C8orf74: variants seen among roughly 807,000 people sequenced by gnomAD.
C8orf74 encodes the protein uncharacterized protein C8orf74.
C8orf74 carries 29 observed loss-of-function variants against 22.2 expected under a neutral mutation model. The observed-to-expected ratio is 1.31, with a 90% CI of 0.97 to 1.78. The LOEUF (loss-of-function observed/expected upper bound fraction) is 1.78. Ranked by LOEUF, C8orf74 falls within the 40% of genes most tolerant of loss-of-function variation. The pLI is 0.00. For synonymous variants in C8orf74, 255 were observed against 163.1 expected, an observed-to-expected ratio of 1.56 and a Z score of -4.30; for missense variants, 515 against 369.9, an observed-to-expected ratio of 1.39 and a Z score of -3.22.
At chr8:10,695,195 T>C (rs1183314426) in intron 2 of C8orf74, among the ~76,000 whole-genome samples, 1 of 152,200 alleles carries the variant, frequency 6.6e-6, no homozygotes, top group African/African-American at 2.4e-5. Flanking sequence ...TGTACGAAGC[T>C]GGACATCTTA....
chr8:10,686,110 T>C (rs564834625), intron 2 of C8orf74, among the ~76,000 whole-genome samples: 58 of 152,304 alleles, frequency 3.8e-4, no homozygotes, highest in African/African-American at 1.3e-3. Context: ...GTCAGTGTTA[T>C]GTTATGTATA....
chr8:10,677,163 G>A (rs1005489580), intron 2 of C8orf74, among the ~76,000 whole-genome samples: 1 of 151,944 alleles, frequency 6.6e-6, no homozygotes, highest in African/African-American at 2.4e-5. Context: ...TAAGGAACAG[G>A]GAACCCCTCC....
At chr8:10,673,228 G>C (rs535693411) in intron 1 of C8orf74, among the ~76,000 whole-genome samples, 2 of 152,114 alleles carry the variant, frequency 1.3e-5, no homozygotes, top group African/African-American at 4.8e-5. Flanking sequence ...ACACTCTTGC[G>C]TGTGGTGGGT....
intron 2 of C8orf74, among the ~76,000 whole-genome samples, chr8:10,683,621 G>A (rs145038335): frequency 6.4e-4 from 98 of 152,332 alleles, no homozygotes; most frequent in Middle Eastern, 3.4e-3. Context: ...CAGCTGCAGG[G>A]CTTGGCCAAG....
At chr8:10,686,273 T>C (rs1799261201) in intron 2 of C8orf74, among the ~76,000 whole-genome samples, 1 of 152,230 alleles carries the variant, frequency 6.6e-6, no homozygotes, top group African/African-American at 2.4e-5. Context: ...CTGATTTTGC[T>C]ACTGAATAGC....
At chr8:10,684,175 G>T (rs1016890066) in intron 2 of C8orf74, among the ~76,000 whole-genome samples, 3 of 152,212 alleles carry the variant, frequency 2.0e-5, no homozygotes, top group Non-Finnish European at 2.9e-5. Context: ...GGGTACTGCT[G>T]TCCACATTTC....
At chr8:10,685,267 T>C (rs1343947728) in intron 2 of C8orf74, among the ~76,000 whole-genome samples, 1 of 152,218 alleles carries the variant, frequency 6.6e-6, no homozygotes, top group Non-Finnish European at 1.5e-5. Context: ...GGAAGTGGCA[T>C]ATGATTCAAC....
At chr8:10,683,595 C>T (rs1301717420) in intron 2 of C8orf74, among the ~76,000 whole-genome samples, 1 of 152,206 alleles carries the variant, frequency 6.6e-6, no homozygotes, top group Admixed American at 6.5e-5. Context: ...CAGGGCTCCC[C>T]TCACCAAGCT....
intron 2 of C8orf74, 50 bp downstream of exon 2, chr8:10,674,888 G>A: frequency 6.7e-7 from 1 of 1,488,722 alleles, no homozygotes; most frequent in Non-Finnish European, 9.1e-7. Context: ...GGATGGGGTG[G>A]GTACACATAG....
chr8:10,695,893 C>T lies in C8orf74; in HGVS notation c.242-1706C>T, dbSNP rs78440846. Reference sequence around the variant, plus strand: ...TGTCGGCAGAAGGAACTGTGGAATTCTCCAAAGCACATGATCTGGTGGGCG... The same window carrying T: ...TGTCGGCAGAAGGAACTGTGGAATTTTCCAAAGCACATGATCTGGTGGGCG... On this transcript the variant is annotated intron_variant, in intron 2 of 3. Transcript: ENST00000304519. Among the ~76,000 whole-genome samples, 754 of 152,280 alleles carry T rather than the reference C, an allele frequency of 5.0e-3. 10 individuals are homozygous for T. The highest frequency in any genetic ancestry group is 0.017 in the African/African-American group (718 of 41,556).
At chr8:10,682,147 G>T (rs1245368758) in intron 2 of C8orf74, among the ~76,000 whole-genome samples, 2 of 152,166 alleles carry the variant, frequency 1.3e-5, no homozygotes, top group East Asian at 3.9e-4. Context: ...CCTGGGAAAG[G>T]CCTCCAAGGA....
chr8:10,681,704 C>T (rs1008078827), intron 2 of C8orf74, among the ~76,000 whole-genome samples: 5 of 152,210 alleles, frequency 3.3e-5, no homozygotes, highest in Admixed American at 2.6e-4. Flanking sequence ...GCGTGGCAGG[C>T]ACGGCCTCTC....
rs553031197 is a variant in C8orf74 at position 10,698,123 on chromosome 8, A to C, written c.648+118A>C. On this transcript the variant is annotated intron_variant, in intron 3 of 3. Transcript: ENST00000304519. ...GCACACAGGGGAGGGGGAGAGATGC[A>C]GGGAGGAATCAAGAGTCTACCACGA... 3.3e-5 allele frequency: 35 copies of C among 1,044,902 alleles called. No homozygotes were observed. In the East Asian group the frequency reaches 8.7e-4, roughly 26 times the overall value. The allele number at this position is 1,044,902 out of a possible 1,614,324, so 64.7% of individuals were successfully genotyped here. A position where few individuals can be genotyped will look rare whatever the true frequency, so the allele number is the denominator to read the frequency against.
intron 2 of C8orf74, chr8:10,675,635 C>T (rs1388400299): frequency 6.6e-6 from 1 of 152,202 alleles, no homozygotes; most frequent in African/African-American, 2.4e-5. Flanking sequence ...GTCAAATGAT[C>T]CAAGTGGACA....
intron 3 of C8orf74, among the ~76,000 whole-genome samples, chr8:10,698,937 A>T (rs1257685797): frequency 6.7e-6 from 1 of 150,106 alleles, no homozygotes; most frequent in African/African-American, 2.5e-5. Context: ...ACACACACAC[A>T]CACACACACG....
intron 2 of C8orf74, among the ~76,000 whole-genome samples, chr8:10,685,652 G>A (rs555773089): frequency 1.3e-5 from 2 of 152,278 alleles, no homozygotes; most frequent in South Asian, 4.1e-4. Flanking sequence ...GGGGGAGTGG[G>A]GAGTTAATGT....
intron 2 of C8orf74, among the ~76,000 whole-genome samples, chr8:10,690,713 G>A (rs1256831169): frequency 6.6e-6 from 1 of 152,114 alleles, no homozygotes; most frequent in Admixed American, 6.5e-5. Flanking sequence ...CCCAGACTCC[G>A]GGTATGAGGG....
Position 10,700,399 on chromosome 8 carries a change from C to A in C8orf74, c.813C>A (p.Ser271Arg). The change falls in exon 4 of 4, where the codon AGC becomes AGA. Residue 271 changes from serine (S) to arginine (R), a missense_variant. By Grantham distance (110) the Ser-to-Arg change is moderately radical. Coordinates refer to ENST00000304519, the MANE Select transcript of C8orf74 (RefSeq NM_001040032.2). Reference protein sequence around the residue: ...APTPIPPPITSHAGQEEALKP... With the variant: ...APTPIPPPITRHAGQEEALKP... ...CCCCTATCCCGCCCCCCATCACCAG[C>A]CACGCAGGCCAGGAGGAAGCCCTGA... 1.9e-6 allele frequency: 3 copies of A among 1,612,026 alleles called. No individual in the cohort carries two copies. Among genetic ancestry groups the A allele is most frequent in the African/African-American group, 1.3e-5 (1 of 74,708 alleles).
At chr8:10,686,818 G>C (rs76929860) in intron 2 of C8orf74, 3,339 of 213,696 alleles carry the variant, frequency 0.016, 119 homozygotes, top group African/African-American at 0.071. Context: ...ACAAGGGCCT[G>C]TTGAGTTATG....
Sources: gnomAD v4.1 joint callset for allele counts (sites outside exome capture counted in the v4.1 genomes callset) on GRCh38, gnomAD v4.1.1 for gene constraint, MANE v1.5 for transcripts, NCBI Gene and HGNC (gene_info 2026-07-23, HGNC 2026-07-21) for gene names.